The following LRP1B variants were observed in gnomAD, a reference collection of about 807,000 sequenced individuals.
LRP1B encodes the protein LDL receptor related protein 1B, also known as low-density lipoprotein receptor-related protein 1B.
In LRP1B, 217 loss-of-function variants were observed where a neutral mutation model predicts 556.6. The observed-to-expected ratio is 0.39, with a 90% confidence interval of 0.35 to 0.44. The LOEUF (loss-of-function observed/expected upper bound fraction) is 0.44, where lower values mean the gene tolerates loss of function less well. Ranked by LOEUF, LRP1B falls within the 20% of genes least tolerant of loss-of-function variation. LRP1B has a pLI of 1.00. For synonymous variants in LRP1B, 2,047 were observed against 1,865.8 expected (o/e 1.10, Z -2.50); for missense variants, 5,053 against 5,620.8 (o/e 0.90, Z 3.23).
At chr2:140,713,065 T>TG (rs1687090352) in intron 37 of LRP1B, among the ~76,000 whole-genome samples, 1 of 152,090 alleles carries the variant, frequency 6.6e-6, no homozygotes, top group South Asian at 2.1e-4. Context: ...CTATCGCAGC[T>TG]TATTACAGAG....
intron 3 of LRP1B, among the ~76,000 whole-genome samples, chr2:141,434,322 G>A (rs932896154): frequency 6.6e-5 from 10 of 151,880 alleles, no homozygotes; most frequent in African/African-American, 1.7e-4. Context: ...CTATCTTTAT[G>A]TACATCCAGT....
At chr2:141,751,548 C>T (rs1694113827) in intron 2 of LRP1B, among the ~76,000 whole-genome samples, 1 of 152,050 alleles carries the variant, frequency 6.6e-6, no homozygotes, top group Non-Finnish European at 1.5e-5. Context: ...AAGTCTGCTT[C>T]ATAAACTAGT....
At chr2:141,417,491 TG>T (rs1679943697) in intron 3 of LRP1B, among the ~76,000 whole-genome samples, 1 of 152,202 alleles carries the variant, frequency 6.6e-6, no homozygotes, top group African/African-American at 2.4e-5. Context: ...ATTTTTCTTC[TG>T]TGACTGGCTT....
At chr2:140,355,343 T>C (rs1233262263) in intron 75 of LRP1B, among the ~76,000 whole-genome samples, 1 of 151,906 alleles carries the variant, frequency 6.6e-6, no homozygotes, top group East Asian at 1.9e-4. Flanking sequence ...GTTTGAAAGA[T>C]AATTCATTTT....
intron 1 of LRP1B, among the ~76,000 whole-genome samples, chr2:142,026,067 A>G (rs1264290606): frequency 6.6e-6 from 1 of 152,110 alleles, no homozygotes; most frequent in Middle Eastern, 3.2e-3. Context: ...TGGCCTATGA[A>G]ATGCTTTAAA....
Position 141,737,919 on chromosome 2 carries a change from GTATT to G in LRP1B, c.205+72356_205+72359del, listed in dbSNP as rs141035262. Among the ~76,000 whole-genome samples the G allele has an allele frequency of 2.4e-3, 366 of 152,174 alleles. 2 individuals carry two copies. Among genetic ancestry groups the G allele is most frequent in the Admixed American group, 0.018 (280 of 15,280 alleles). ...TACTGTTTTGAGTCATCATGATAGAGTATTTGCTGTCCTATCAATATATCTGAAC... is the reference window on the plus strand; with the variant it reads ...TACTGTTTTGAGTCATCATGATAGAGTGCTGTCCTATCAATATATCTGAAC... On this transcript the variant is annotated intron_variant, in intron 2 of 90. Coordinates refer to ENST00000389484, the MANE Select transcript of LRP1B (RefSeq NM_018557.3).
chr2:140,724,784 T>C lies in LRP1B; in HGVS notation c.5759-7968A>G, dbSNP rs181366357. On this transcript the variant is annotated intron_variant, in intron 35 of 90. Transcript: ENST00000389484. The stretch of plus-strand genomic sequence containing the variant: ...ATAGTACTAATGCTTATACGGAATC[T>C]TGACTTGTTTTAATTATCGAGATAA... Among the ~76,000 whole-genome samples the C allele has an allele frequency of 2.1e-4, 17 of 81,718 alleles. No individual in the cohort carries two copies. The East Asian group carries it at 6.1e-3, about 29-fold the overall frequency. 53.6% of individuals were successfully genotyped at this position (81,718 alleles called of 152,430 possible). A position where few individuals can be genotyped will look rare whatever the true frequency, so the allele number is the denominator to read the frequency against.
chr2:141,346,272 T>C (rs13426356), intron 3 of LRP1B, among the ~76,000 whole-genome samples: 4,069 of 152,234 alleles, frequency 0.027, 180 homozygotes, highest in African/African-American at 0.093. Flanking sequence ...AACAAAATAC[T>C]GTTTTTTTAA....
At chr2:140,425,846 G>A (rs139008113) in intron 66 of LRP1B, among the ~76,000 whole-genome samples, 16 of 152,200 alleles carry the variant, frequency 1.1e-4, no homozygotes, top group African/African-American at 3.4e-4. Context: ...TTATACTTAT[G>A]TGATCATCCA....
chr2:140,590,581 C>T (rs1363183283), intron 43 of LRP1B, among the ~76,000 whole-genome samples: 4 of 149,968 alleles, frequency 2.7e-5, no homozygotes, highest in African/African-American at 9.8e-5. Flanking sequence ...TCTCTCTCTC[C>T]CCAGCCCCCA....
At chr2:140,828,436 C>T (rs533465533) in intron 31 of LRP1B, among the ~76,000 whole-genome samples, 4 of 143,606 alleles carry the variant, frequency 2.8e-5, no homozygotes, top group Non-Finnish European at 6.0e-5. Flanking sequence ...GGTGAAACCC[C>T]GTCTCTACTA....
At chr2:140,638,554 A>G (rs1052574901) in intron 41 of LRP1B, among the ~76,000 whole-genome samples, 2 of 152,178 alleles carry the variant, frequency 1.3e-5, no homozygotes, top group Non-Finnish European at 2.9e-5. Flanking sequence ...CTTCAAAGAT[A>G]GTCCATGTCT....
At chr2:140,765,853 C>T (rs1408231263) in intron 35 of LRP1B, among the ~76,000 whole-genome samples, 1 of 152,100 alleles carries the variant, frequency 6.6e-6, no homozygotes, top group Non-Finnish European at 1.5e-5. Context: ...CAATGATTCT[C>T]TTCCACTTCA....
chr2:140,326,500 A>AGGGT (rs1680484848), intron 79 of LRP1B, among the ~76,000 whole-genome samples: 1 of 151,194 alleles, frequency 6.6e-6, no homozygotes, highest in Non-Finnish European at 1.5e-5. Flanking sequence ...CTGAGGCGGG[A>AGGGT]CGGTCAGGAG....
At chr2:141,126,014 T>C (rs989972706) in intron 7 of LRP1B, among the ~76,000 whole-genome samples, 3 of 149,556 alleles carry the variant, frequency 2.0e-5, no homozygotes, top group African/African-American at 4.9e-5. Flanking sequence ...GCCCTCTCAA[T>C]TGATAGCTAC....
At chr2:140,235,626 G>A (rs528404858) in intron 89 of LRP1B, among the ~76,000 whole-genome samples, 1 of 151,182 alleles carries the variant, frequency 6.6e-6, no homozygotes, top group South Asian at 2.1e-4. Flanking sequence ...TGGTTATTCA[G>A]TCATCCAATT....
Position 141,624,802 on chromosome 2 carries a change from C to T in LRP1B, c.206-144269G>A, listed in dbSNP as rs140296438. Among the ~76,000 whole-genome samples the T allele has an allele frequency of 8.8e-3, 1,346 of 152,176 alleles. 16 individuals carry two copies. Among genetic ancestry groups the T allele is most frequent in the South Asian group, 0.02 (95 of 4,828 alleles). ...TTTTATTTTTTGAGATGGGGTCTCG[C>T]GCTGTCACCCATGCTGGAGTGCAGT... On this transcript the variant is annotated intron_variant, in intron 2 of 90. Coordinates refer to ENST00000389484, the MANE Select transcript of LRP1B (RefSeq NM_018557.3).
chr2:140,395,851 G>A (rs1684224709), intron 66 of LRP1B, among the ~76,000 whole-genome samples: 1 of 152,088 alleles, frequency 6.6e-6, no homozygotes, highest in Non-Finnish European at 1.5e-5. Context: ...ATTCTGTAAT[G>A]CCATCTATCG....
In LRP1B at chr2:141,610,231, T is replaced by G. The variant is rs150055433; in HGVS notation, c.206-129698A>C. Reference sequence around the variant, plus strand: ...TACCTAATGCTAAATGACGAGTTAATGGGTGCGGCACACCAGCATGACACA... The same window carrying G: ...TACCTAATGCTAAATGACGAGTTAAGGGGTGCGGCACACCAGCATGACACA... On this transcript the variant is annotated intron_variant, in intron 2 of 90. Coordinates refer to ENST00000389484, the MANE Select transcript of LRP1B (RefSeq NM_018557.3). Among the ~76,000 whole-genome samples the G allele has an allele frequency of 4.9e-3, 733 of 149,332 alleles. 7 individuals carry two copies. The highest frequency in any genetic ancestry group is 0.017 in the African/African-American group (696 of 41,236).
Sources: gnomAD v4.1 joint callset for allele counts (sites outside exome capture counted in the v4.1 genomes callset) on GRCh38, gnomAD v4.1.1 for gene constraint, MANE v1.5 for transcripts, NCBI Gene and HGNC (gene_info 2026-07-23, HGNC 2026-07-21) for gene names.